The following CHIC2 variants were observed in gnomAD, a reference collection of about 807,000 sequenced individuals.
The protein encoded by CHIC2 is cysteine-rich hydrophobic domain-containing protein 2.
In CHIC2, 14 loss-of-function variants were observed where a neutral mutation model predicts 25.9. The ratio of observed to expected loss-of-function variants is 0.54; its 90% CI spans 0.36 to 0.85. The LOEUF (loss-of-function observed/expected upper bound fraction) is 0.85, where lower values mean the gene tolerates loss of function less well. Among genes scored for constraint, CHIC2 ranks in the 40% least tolerant of loss-of-function variants. The probability of loss-of-function intolerance (pLI) is 0.01; values close to 1 mark genes in which losing one functional copy is unlikely to be tolerated. For synonymous variants in CHIC2, 70 were observed against 72.0 expected, an observed-to-expected ratio of 0.97 and a Z score of 0.14; for missense variants, 146 against 202.0, an observed-to-expected ratio of 0.72 and a Z score of 1.68.
At chr4:54,041,453 T>C (rs1002412189) in intron 3 of CHIC2, among the ~76,000 whole-genome samples, 1 of 152,120 alleles carries the variant, frequency 6.6e-6, no homozygotes, top group African/African-American at 2.4e-5. Flanking sequence ...TTTTAACCAC[T>C]AACTGAAATG....
At chr4:54,019,427 T>TA (rs1330950613) in intron 3 of CHIC2, among the ~76,000 whole-genome samples, 3 of 151,964 alleles carry the variant, frequency 2.0e-5, no homozygotes, top group South Asian at 4.1e-4. Flanking sequence ...AGAAATACGC[T>TA]AAAAAAAATT....
intron 3 of CHIC2, among the ~76,000 whole-genome samples, chr4:54,042,805 T>C (rs1186606862): frequency 3.9e-5 from 6 of 152,192 alleles, no homozygotes; most frequent in Non-Finnish European, 7.3e-5. Context: ...TTAGAAATAT[T>C]GAAGTAAATA....
intron 3 of CHIC2, among the ~76,000 whole-genome samples, chr4:54,040,581 A>G (rs1334033183): frequency 6.6e-6 from 1 of 151,802 alleles, no homozygotes; most frequent in Non-Finnish European, 1.5e-5. Flanking sequence ...GGAGCCTGTA[A>G]TTCCAGCTAC....
At chr4:54,010,434 CT>C (rs1715549191) in intron 5 of CHIC2, among the ~76,000 whole-genome samples, 1 of 152,042 alleles carries the variant, frequency 6.6e-6, no homozygotes, top group African/African-American at 2.4e-5. Flanking sequence ...GATAGTGCCC[CT>C]GATACACTGG....
intron 3 of CHIC2, among the ~76,000 whole-genome samples, chr4:54,042,524 A>T (rs536877045): frequency 3.3e-5 from 5 of 152,344 alleles, no homozygotes; most frequent in African/African-American, 1.2e-4. Flanking sequence ...AACAAAACCA[A>T]CACAAACAAA....
chr4:54,067,779 A>G (rs1436477078), upstream of CHIC2, among the ~76,000 whole-genome samples: 1 of 152,162 alleles, frequency 6.6e-6, no homozygotes, highest in Non-Finnish European at 1.5e-5. Context: ...AAAACTTCCC[A>G]GTTCCATTTC....
chr4:54,036,596 T>A (rs537804501), intron 3 of CHIC2, among the ~76,000 whole-genome samples: 1 of 152,214 alleles, frequency 6.6e-6, no homozygotes, highest in South Asian at 2.1e-4. Flanking sequence ...CCTCCAACAC[T>A]GGGGATTACA....
At chr4:54,074,638 T>C in the CHIC2 span, among the ~76,000 whole-genome samples, 7 of 148,806 alleles carry the variant, frequency 4.7e-5, no homozygotes, top group South Asian at 6.3e-4. Context: ...ACACTGGCCT[T>C]ACTATGGTGT....
Position 54,013,837 on chromosome 4 carries a change from A to G in CHIC2, c.447T>C (p.Tyr149=). 1 of 1,613,032 alleles carries G rather than the reference A, an allele frequency of 6.2e-7. No homozygotes were observed. The highest frequency in any genetic ancestry group is 8.5e-7 in the Non-Finnish European group (1 of 1,179,230). ...RKCETNNMME[Y]VILIEFLPKT... Reference sequence around the variant, plus strand: ...CTCACAAAACAGCCCTTTAACTTACATATTCCATCATGTTATTCGTTTCAC... The same window carrying G: ...CTCACAAAACAGCCCTTTAACTTACGTATTCCATCATGTTATTCGTTTCAC... The change falls in exon 5 of 6, where the codon TAT becomes TAC. Residue 149 remains tyrosine (Y), a splice_region_variant and synonymous_variant. Transcript: ENST00000263921.
chr4:54,056,889 A>AT (rs1470003360), intron 1 of CHIC2, among the ~76,000 whole-genome samples: 1 of 152,160 alleles, frequency 6.6e-6, no homozygotes, highest in Admixed American at 6.5e-5. Flanking sequence ...AGGATATCAC[A>AT]TTTACGAGGG....
At position 54,047,887 on chromosome 4, in the gene CHIC2, A is replaced by G. The variant is rs1342458504; in HGVS notation, c.330+1068T>C. Reference sequence around the variant, plus strand: ...TTATTTAAAAAAATTTTTTTAAAGTATCATTTTTATACATATAAATACAAT... The same window carrying G: ...TTATTTAAAAAAATTTTTTTAAAGTGTCATTTTTATACATATAAATACAAT... On this transcript the variant is annotated intron_variant, in intron 3 of 5. Coordinates refer to ENST00000263921, the MANE Select transcript of CHIC2 (RefSeq NM_012110.4). 2.0e-5 allele frequency among the ~76,000 whole-genome samples: 3 copies of G among 152,076 alleles called. No individual in the cohort carries two copies. The East Asian group carries it at 5.8e-4, about 29-fold the overall frequency.
intron 3 of CHIC2, 110 bp from the exon 4 acceptor site, chr4:54,014,229 A>G: frequency 2.5e-6 from 2 of 796,428 alleles, no homozygotes; most frequent in Non-Finnish European, 4.2e-6. Flanking sequence ...GACTGAGTAT[A>G]GTGTGGTGTG....
At chr4:54,020,788 G>A (rs189116849) in intron 3 of CHIC2, among the ~76,000 whole-genome samples, 216 of 152,258 alleles carry the variant, frequency 1.4e-3, no homozygotes, top group South Asian at 3.5e-3. Context: ...AAACTCTGGC[G>A]CCAGTCACAG....
intron 3 of CHIC2, among the ~76,000 whole-genome samples, chr4:54,047,241 C>A (rs1310339511): frequency 1.3e-5 from 2 of 152,122 alleles, no homozygotes; most frequent in East Asian, 3.9e-4. Context: ...GTCAGTGTGG[C>A]GATTCCTCAG....
At chr4:54,030,964 C>A (rs1180241169) in intron 3 of CHIC2, among the ~76,000 whole-genome samples, 5 of 151,322 alleles carry the variant, frequency 3.3e-5, no homozygotes, top group Non-Finnish European at 7.4e-5. Flanking sequence ...ACCTTTGCCT[C>A]CGCCTCCCAG....
intron 5 of CHIC2, among the ~76,000 whole-genome samples, chr4:54,010,786 C>G (rs1481407837): frequency 6.6e-6 from 1 of 152,094 alleles, no homozygotes; most frequent in Non-Finnish European, 1.5e-5. Context: ...TGAGTCTTCT[C>G]TAAGTTCTAG....
chr4:54,039,106 A>T (rs749423936), intron 3 of CHIC2, among the ~76,000 whole-genome samples: 3 of 152,182 alleles, frequency 2.0e-5, no homozygotes, highest in African/African-American at 4.8e-5. Flanking sequence ...ACACTCATAT[A>T]AAAACCTGAG....
At chr4:54,074,027 G>A in the CHIC2 span, among the ~76,000 whole-genome samples, 1 of 152,020 alleles carries the variant, frequency 6.6e-6, no homozygotes, top group African/African-American at 2.4e-5. Context: ...GCATGGTGGT[G>A]CACACCTGTA....
intron 1 of CHIC2, among the ~76,000 whole-genome samples, chr4:54,053,884 G>A (rs556059414): frequency 8.3e-4 from 126 of 152,128 alleles, no homozygotes; most frequent in African/African-American, 2.7e-3. Context: ...TCTGCCTCCC[G>A]GGTTCAAGCG....
Sources: allele counts gnomAD v4.1 joint callset (sites outside exome capture counted in the v4.1 genomes callset), GRCh38; gene constraint gnomAD v4.1.1; transcripts MANE v1.5; gene names NCBI Gene and HGNC (gene_info 2026-07-23, HGNC 2026-07-21).